The following MCPH1 variants were observed in gnomAD, a reference collection of about 807,000 sequenced individuals.
MCPH1 encodes microcephalin 1, also known as microcephalin.
Under a neutral mutation model 84.5 loss-of-function variants are expected in MCPH1, and 104 were observed. That is an observed-to-expected ratio of 1.23 (90% CI 1.05 to 1.45). The LOEUF (loss-of-function observed/expected upper bound fraction) is 1.45, where lower values mean the gene tolerates loss of function less well. Ranked by LOEUF, MCPH1 falls within the 40% of genes most tolerant of loss-of-function variation. The pLI is 0.00. For missense variants in MCPH1, 1,498 were observed against 1,005.7 expected (o/e 1.49, Z -6.62); for synonymous variants, 514 against 366.8 (o/e 1.40, Z -4.58).
At chr8:6,450,189 T>C (rs1804936607) in intron 8 of MCPH1, among the ~76,000 whole-genome samples, 1 of 152,164 alleles carries the variant, frequency 6.6e-6, no homozygotes, top group African/African-American at 2.4e-5. Flanking sequence ...TCAATGATGG[T>C]TAACTACTCT....
intron 12 of MCPH1, among the ~76,000 whole-genome samples, chr8:6,538,256 A>G (rs1820866036): frequency 6.6e-6 from 1 of 152,054 alleles, no homozygotes; most frequent in Admixed American, 6.5e-5. Context: ...GAAATAAGAT[A>G]TTGCAACCAT....
At position 6,461,276 on chromosome 8, in the gene MCPH1, G is replaced by GTT. The variant is rs111973632; in HGVS notation, c.1935+6032_1935+6033dup. Among the ~76,000 whole-genome samples, 76 of 138,036 alleles carry GTT rather than the reference G, an allele frequency of 5.5e-4. 1 individual carries two copies. In the East Asian group the frequency reaches 0.014, roughly 25 times the overall value. The allele number at this position is 138,036 out of a possible 152,430, so 90.6% of individuals were successfully genotyped here. ...TATAAATCAGTCAGAAAAAGAGTCT[G>GTT]TTTTTTTTTAGACTTATTTTAAATA... On this transcript the variant is annotated intron_variant, in intron 9 of 13. Transcript: ENST00000344683.
intron 13 of MCPH1, chr8:6,626,471 T>TTTG: frequency 1.0e-6 from 1 of 963,658 alleles, no homozygotes; most frequent in South Asian, 5.0e-5. Flanking sequence ...GTTTTTTTGT[T>TTTG]TTGTTTTTTT....
chr8:6,620,256 G>T (rs1290782291), intron 12 of MCPH1: 1 of 152,148 alleles, frequency 6.6e-6, no homozygotes, highest in Non-Finnish European at 1.5e-5. Flanking sequence ...GAGAGAACAA[G>T]CAAATTCCAT....
chr8:6,572,624 C>G (rs1375010418), intron 12 of MCPH1, among the ~76,000 whole-genome samples: 1 of 152,212 alleles, frequency 6.6e-6, no homozygotes, highest in Non-Finnish European at 1.5e-5. Flanking sequence ...TTTAGGCATT[C>G]ATTTAGCATA....
intron 11 of MCPH1, among the ~76,000 whole-genome samples, chr8:6,484,595 C>T (rs890217595): frequency 2.0e-5 from 3 of 152,236 alleles, no homozygotes; most frequent in Admixed American, 1.3e-4. Flanking sequence ...CCTTACTTAT[C>T]ATCAGCTGGA....
At chr8:6,434,759 G>T (rs1563202417) in intron 4 of MCPH1, among the ~76,000 whole-genome samples, 1 of 152,154 alleles carries the variant, frequency 6.6e-6, no homozygotes, top group African/African-American at 2.4e-5. Flanking sequence ...CGTTTACGTG[G>T]GTAGCTAGCT....
chr8:6,624,762 G>A lies in MCPH1; in HGVS notation c.2452+3071G>A, dbSNP rs3020260. ...CAAATAAAGGAAGGTTTATTTTTCT[G>A]TCCATACATACACACGTAAACCTAC... On this transcript the variant is annotated intron_variant, in intron 13 of 13. Coordinates refer to ENST00000344683, the MANE Select transcript of MCPH1 (RefSeq NM_024596.5). 2.7e-3 allele frequency: 2,628 copies of A among 961,324 alleles called. 58 individuals carry two copies. The African/African-American group carries it at 0.041, about 15-fold the overall frequency. The allele number at this position is 961,324 out of a possible 1,614,324, so 59.5% of individuals were successfully genotyped here.
At chr8:6,564,824 A>G (rs1299692676) in intron 12 of MCPH1, among the ~76,000 whole-genome samples, 1 of 152,240 alleles carries the variant, frequency 6.6e-6, no homozygotes, top group Non-Finnish European at 1.5e-5. Flanking sequence ...CTACATTTTT[A>G]TTAAACCCAG....
chr8:6,426,038 A>C (rs1406360387), intron 3 of MCPH1, among the ~76,000 whole-genome samples: 1 of 152,194 alleles, frequency 6.6e-6, no homozygotes, highest in African/African-American at 2.4e-5. Flanking sequence ...AAAATTGGTA[A>C]TTAAGGGGAC....
At chr8:6,478,283 C>T (rs1808738784) in intron 10 of MCPH1, among the ~76,000 whole-genome samples, 1 of 152,066 alleles carries the variant, frequency 6.6e-6, no homozygotes, top group African/African-American at 2.4e-5. Context: ...CTTTTCCTGC[C>T]TGGGGCTTAG....
At chr8:6,489,325 G>A (rs1160546283) in intron 11 of MCPH1, among the ~76,000 whole-genome samples, 2 of 152,044 alleles carry the variant, frequency 1.3e-5, no homozygotes, top group Admixed American at 6.5e-5. Flanking sequence ...GGGGGAGGCA[G>A]GGGGACCCGG....
chr8:6,568,145 C>A (rs1826355682), intron 12 of MCPH1, among the ~76,000 whole-genome samples: 2 of 152,174 alleles, frequency 1.3e-5, no homozygotes, highest in Non-Finnish European at 2.9e-5. Context: ...CGTGGCCAGC[C>A]CTTTTGGCTC....
intron 12 of MCPH1, among the ~76,000 whole-genome samples, chr8:6,505,253 A>ATATATAGAATATATATATATATTC (rs1813130279): frequency 4.6e-5 from 1 of 21,932 alleles, no homozygotes; most frequent in Non-Finnish European, 1.1e-4. Flanking sequence ...TATATTCTTT[A>ATATATAGAATATATATATATATTC]TATATGTTTT....
intron 1 of MCPH1, among the ~76,000 whole-genome samples, chr8:6,407,658 C>A (rs374954658): frequency 5.9e-5 from 9 of 152,154 alleles, no homozygotes; most frequent in Non-Finnish European, 1.0e-4. Context: ...GGCTATTTTT[C>A]TAATGTTAGT....
chr8:6,631,005 A>T (rs1343839264), intron 13 of MCPH1, among the ~76,000 whole-genome samples: 1 of 152,198 alleles, frequency 6.6e-6, no homozygotes, highest in Admixed American at 6.5e-5. Context: ...CTGTCTGCAG[A>T]GATGTTGCAG....
chr8:6,517,697 C>T (rs958095320), intron 12 of MCPH1, among the ~76,000 whole-genome samples: 9 of 152,128 alleles, frequency 5.9e-5, no homozygotes, highest in Non-Finnish European at 8.8e-5. Flanking sequence ...TTGTCACAAC[C>T]CCCAAGGCTG....
chr8:6,525,005 A>G (rs1818061620), intron 12 of MCPH1, among the ~76,000 whole-genome samples: 3 of 152,240 alleles, frequency 2.0e-5, no homozygotes, highest in South Asian at 2.1e-4. Flanking sequence ...TATCTAAATA[A>G]AGCTCTATGT....
At chr8:6,521,569 GAGA>G (rs1817347298) in intron 12 of MCPH1, among the ~76,000 whole-genome samples, 1 of 152,206 alleles carries the variant, frequency 6.6e-6, no homozygotes, top group Non-Finnish European at 1.5e-5. Context: ...GAAACTTGCT[GAGA>G]AGATTAGATA....
Sources: allele counts gnomAD v4.1 joint callset (sites outside exome capture counted in the v4.1 genomes callset), GRCh38; gene constraint gnomAD v4.1.1; transcripts MANE v1.5; gene names NCBI Gene and HGNC (gene_info 2026-07-23, HGNC 2026-07-21).